Variants in PCDHA2 observed in about 807,000 individuals in gnomAD.
PCDHA2 encodes protocadherin alpha 2.
Under a neutral mutation model 66.0 loss-of-function variants are expected in PCDHA2, and 58 were observed. The observed-to-expected ratio is 0.88, with a 90% CI of 0.71 to 1.09. The LOEUF (loss-of-function observed/expected upper bound fraction) is 1.09, where lower values mean the gene tolerates loss of function less well. Ranked by LOEUF, PCDHA2 falls within the 50% of genes least tolerant of loss-of-function variation. PCDHA2 has a pLI of 0.00. For missense variants in PCDHA2, 1,267 were observed against 1,242.3 expected (o/e 1.02, Z -0.30); for synonymous variants, 634 against 554.0 (o/e 1.14, Z -2.03).
In PCDHA2 at chr5:140,863,566, A is replaced by G. The variant is rs1390955253; in HGVS notation, c.2388+66214A>G. The G allele has an allele frequency of 2.9e-5, 11 of 373,988 alleles. No individual in the cohort carries two copies. In the East Asian group the frequency reaches 4.0e-4, roughly 13 times the overall value. The allele number at this position is 373,988 out of a possible 1,614,324, so 23.2% of individuals were successfully genotyped here. A position where few individuals can be genotyped will look rare whatever the true frequency, so the allele number is the denominator to read the frequency against. On this transcript the variant is annotated intron_variant, in intron 1 of 3. Transcript: ENST00000526136. Reference sequence around the variant, plus strand: ...ACTTCAATAGGAAATTTTTGAGAATATAAGTACTGTAATCCTGGAAAGTAT... The same window carrying G: ...ACTTCAATAGGAAATTTTTGAGAATGTAAGTACTGTAATCCTGGAAAGTAT...
intron 1 of PCDHA2, chr5:140,859,716 A>T (rs2045984140): frequency 1.3e-5 from 2 of 154,266 alleles, no homozygotes. Flanking sequence ...CACCAAAAAA[A>T]AATTGTGGCA....
intron 1 of PCDHA2, chr5:140,805,020 T>C: frequency 3.2e-6 from 5 of 1,570,898 alleles, no homozygotes; most frequent in Non-Finnish European, 4.3e-6. Flanking sequence ...TATCAGCTTC[T>C]TGAATATAAT....
chr5:140,836,240 C>T, intron 1 of PCDHA2: 4 of 1,613,780 alleles, frequency 2.5e-6, no homozygotes, highest in Non-Finnish European at 3.4e-6. Context: ...CCGGTGCGAG[C>T]ATCCCGTTCC....
intron 1 of PCDHA2, among the ~76,000 whole-genome samples, chr5:140,941,562 G>A (rs1032844993): frequency 1.3e-5 from 2 of 151,596 alleles, no homozygotes; most frequent in African/African-American, 2.4e-5. Flanking sequence ...TGATCCATTC[G>A]CCTCAGCCTC....
intron 1 of PCDHA2, chr5:140,926,980 A>C: frequency 3.1e-6 from 5 of 1,610,364 alleles, no homozygotes; most frequent in Non-Finnish European, 4.2e-6. Flanking sequence ...GCCGGAGGAG[A>C]CGGAGCGGGG....
intron 1 of PCDHA2, chr5:140,853,687 T>C (rs1025605569): frequency 3.0e-6 from 3 of 988,362 alleles, no homozygotes; most frequent in African/African-American, 3.5e-5. Context: ...AACCTATCCT[T>C]AGACCTGCTA....
At chr5:140,859,490 G>A (rs2045887766) in intron 1 of PCDHA2, 1 of 204,502 alleles carries the variant, frequency 4.9e-6, no homozygotes, top group Non-Finnish European at 9.6e-6. Context: ...CCTGAAATTG[G>A]TTGTTACCTG....
rs557642190 is a variant in PCDHA2 at position 140,808,262 on chromosome 5, A to G, written c.2388+10910A>G. 1.4e-5 allele frequency: 23 copies of G among 1,614,256 alleles called. No individual in the cohort carries two copies. In the South Asian group the frequency reaches 1.8e-4, roughly 12 times the overall value. On this transcript the variant is annotated intron_variant, in intron 1 of 3. Coordinates refer to ENST00000526136, the MANE Select transcript of PCDHA2 (RefSeq NM_018905.3). ...GGAATTCAAGTCTTTATCACTTCCA[A>G]TTAGAGAGGACGCTCCACTGGGTAC...
At chr5:140,887,612 G>A (rs2061514716) in intron 1 of PCDHA2, among the ~76,000 whole-genome samples, 1 of 151,760 alleles carries the variant, frequency 6.6e-6, no homozygotes, top group East Asian at 1.9e-4. Flanking sequence ...GCTTTAGTAT[G>A]GTTTTCTTTA....
At position 140,876,570 on chromosome 5, in the gene PCDHA2, T is replaced by A. The variant is rs782551095; in HGVS notation, c.2388+79218T>A. 5.7e-5 allele frequency: 92 copies of A among 1,614,172 alleles called. No individual in the cohort carries two copies. In the East Asian group the frequency reaches 2.0e-3, roughly 35 times the overall value. On this transcript the variant is annotated intron_variant, in intron 1 of 3. Coordinates refer to ENST00000526136, the MANE Select transcript of PCDHA2 (RefSeq NM_018905.3). The stretch of plus-strand genomic sequence containing the variant: ...CTGTGCAAGAGGATGCTCAGGTGGG[T>A]ACCGTCATTGCCCTGATTAGCGTGT...
At chr5:140,856,939 G>T (rs1554149308) in intron 1 of PCDHA2, 2 of 1,593,866 alleles carry the variant, frequency 1.3e-6, no homozygotes, top group Non-Finnish European at 1.7e-6. Flanking sequence ...TAAACGAAAG[G>T]ACGGGAGAAA....
intron 2 of PCDHA2, among the ~76,000 whole-genome samples, chr5:140,981,054 G>T (rs1024298698): frequency 1.3e-5 from 2 of 152,182 alleles, no homozygotes; most frequent in Admixed American, 1.3e-4. Flanking sequence ...GATAATTCTA[G>T]AGTGTAGACA....
chr5:140,999,797 T>C (rs2097876830), intron 3 of PCDHA2, among the ~76,000 whole-genome samples: 1 of 152,202 alleles, frequency 6.6e-6, no homozygotes, highest in African/African-American at 2.4e-5. Context: ...CAGAGTTATT[T>C]TGGGCACAAA....
rs2043307910 is a variant in PCDHA2, at chr5:140,855,009, A to C, written c.2388+57657A>C. Among the ~76,000 whole-genome samples the C allele has an allele frequency of 1.3e-5, 2 of 149,938 alleles. 1 individual carries two copies. Among genetic ancestry groups the C allele is most frequent in the Admixed American group, 1.3e-4 (2 of 14,922 alleles). ...CTTTTTGCCCGTGTAAGATATTATA[A>C]AATGAAACTTCTTGTATAAAGGATT... On this transcript the variant is annotated intron_variant, in intron 1 of 3. Coordinates refer to ENST00000526136, the MANE Select transcript of PCDHA2 (RefSeq NM_018905.3).
intron 1 of PCDHA2, chr5:140,807,157 T>C: frequency 1.3e-6 from 2 of 1,590,406 alleles, no homozygotes; most frequent in Non-Finnish European, 1.7e-6. Flanking sequence ...AGAAACGATA[T>C]TTAATCAGAA....
intron 1 of PCDHA2, among the ~76,000 whole-genome samples, chr5:140,799,092 A>G (rs186975155): frequency 2.0e-4 from 31 of 152,302 alleles, no homozygotes; most frequent in Non-Finnish European, 3.5e-4. Flanking sequence ...CTGTTGCTCT[A>G]TAAGTTTTTT....
intron 1 of PCDHA2, chr5:140,864,039 A>G (rs1287126881): frequency 6.5e-6 from 1 of 152,908 alleles, no homozygotes; most frequent in Non-Finnish European, 1.5e-5. Context: ...CATCTTAATC[A>G]CTTTTTACTA....
intron 1 of PCDHA2, chr5:140,803,065 G>T (rs782285589): frequency 7.4e-6 from 12 of 1,613,962 alleles, no homozygotes; most frequent in East Asian, 6.7e-5. Flanking sequence ...ATCCCGTTTC[G>T]CGTGGGGCTG....
rs2150359087 is a variant in PCDHA2, at chr5:140,843,393, C to A, written c.2388+46041C>A. 46 of 1,596,052 alleles carry A rather than the reference C, an allele frequency of 2.9e-5. 2 individuals are homozygous for A. The highest frequency in any genetic ancestry group is 4.4e-5 in the South Asian group (4 of 90,510). ...TCGGCTGGCGTTTTGGGTCCGGAAG[C>A]GGCGCTGGTGGATGTCAACGTGTAC... On this transcript the variant is annotated intron_variant, in intron 1 of 3. Transcript: ENST00000526136.
Sources: gnomAD v4.1 joint callset for allele counts (sites outside exome capture counted in the v4.1 genomes callset) on GRCh38, gnomAD v4.1.1 for gene constraint, MANE v1.5 for transcripts, NCBI Gene and HGNC (gene_info 2026-07-23, HGNC 2026-07-21) for gene names.